TSHR: variants seen among roughly 807,000 people sequenced by gnomAD.
TSHR encodes thyrotropin receptor.
Under a neutral mutation model 64.1 loss-of-function variants are expected in TSHR, and 51 were observed. That is an observed-to-expected ratio of 0.80 (90% CI 0.64 to 1.01). The LOEUF (loss-of-function observed/expected upper bound fraction) is 1.01. TSHR is among the 50% of genes least tolerant of loss of function. The probability of loss-of-function intolerance (pLI) is 0.00; values close to 1 mark genes in which losing one functional copy is unlikely to be tolerated. For missense variants in TSHR, 877 were observed against 942.8 expected (o/e 0.93, Z 0.91); for synonymous variants, 361 against 361.9 (o/e 1.00, Z 0.03).
intron 8 of TSHR, among the ~76,000 whole-genome samples, chr14:81,112,821 G>T (rs1177564389): frequency 6.6e-6 from 1 of 152,190 alleles, no homozygotes; most frequent in East Asian, 1.9e-4. Context: ...CAAGTGCAAA[G>T]ACCCCCAGGT....
chr14:81,072,694 T>C lies in TSHR; in HGVS notation c.317+4366T>C, dbSNP rs138432286. 7.0e-3 allele frequency among the ~76,000 whole-genome samples: 1,061 copies of C among 152,204 alleles called. 17 individuals are homozygous for C. The highest frequency in any genetic ancestry group is 0.024 in the African/African-American group (1,003 of 41,516). On this transcript the variant is annotated intron_variant, in intron 3 of 9. Coordinates refer to ENST00000298171, the MANE Select transcript of TSHR (RefSeq NM_000369.5). ...TGATTGCTGAATTTTTAATACTCGC[T>C]GTATGCTGCTTACAAGAGACATTTT...
At chr14:81,071,504 T>C (rs895058036) in intron 3 of TSHR, among the ~76,000 whole-genome samples, 2 of 152,196 alleles carry the variant, frequency 1.3e-5, no homozygotes, top group Non-Finnish European at 2.9e-5. Flanking sequence ...GACATCTTCA[T>C]CCTTTGCATC....
Position 81,080,950 on chromosome 14 carries a change from G to A in TSHR, c.318-7004G>A, listed in dbSNP as rs76478572. 3.9e-3 allele frequency among the ~76,000 whole-genome samples: 587 copies of A among 152,180 alleles called. 5 individuals carry two copies. Among genetic ancestry groups the A allele is most frequent in the African/African-American group, 0.013 (559 of 41,528 alleles). On this transcript the variant is annotated intron_variant, in intron 3 of 9. Coordinates refer to ENST00000298171, the MANE Select transcript of TSHR (RefSeq NM_000369.5). ...GTTAATGTAAAAAGCCATTTGTTTC[G>A]GAGTTAATTATTTATATTAGAGAGA...
At chr14:81,065,016 A>AT (rs1240756883) in intron 2 of TSHR, among the ~76,000 whole-genome samples, 1 of 152,132 alleles carries the variant, frequency 6.6e-6, no homozygotes, top group Non-Finnish European at 1.5e-5. Context: ...ATGGCCATAA[A>AT]AGATTAGGCT....
At chr14:81,032,742 C>A in intron 1 of TSHR, 2 of 436,250 alleles carry the variant, frequency 4.6e-6, no homozygotes, top group Admixed American at 2.8e-5. Flanking sequence ...CATGGCAGAA[C>A]TTGCCACCAA....
chr14:81,078,509 T>C (rs1489124504), intron 3 of TSHR, among the ~76,000 whole-genome samples: 1 of 152,214 alleles, frequency 6.6e-6, no homozygotes. Context: ...TTATATTTAA[T>C]CTGCTTAAGG....
chr14:81,027,557 T>G (rs549304554), intron 1 of TSHR, among the ~76,000 whole-genome samples: 5 of 152,270 alleles, frequency 3.3e-5, no homozygotes, highest in Admixed American at 3.3e-4. Context: ...AATGAAATCA[T>G]CAAGTTCTCA....
intron 2 of TSHR, among the ~76,000 whole-genome samples, chr14:81,067,481 T>TC (rs1886704880): frequency 4.0e-5 from 1 of 24,918 alleles, no homozygotes; most frequent in Non-Finnish European, 6.6e-5. Context: ...GAGTTTATAG[T>TC]TTTATATATA....
intron 1 of TSHR, among the ~76,000 whole-genome samples, chr14:81,024,477 G>A (rs1883940543): frequency 6.6e-6 from 1 of 152,094 alleles, no homozygotes; most frequent in African/African-American, 2.4e-5. Context: ...TCGATCTCCT[G>A]ACCTCATGAT....
At chr14:81,005,686 C>T (rs72695026) in intron 1 of TSHR, among the ~76,000 whole-genome samples, 19,883 of 152,182 alleles carry the variant, frequency 0.13, 1,711 homozygotes, top group Admixed American at 0.23. Context: ...GGAAAGCAGA[C>T]TGCCACCACA....
chr14:81,024,900 G>GA (rs200490853), intron 1 of TSHR, among the ~76,000 whole-genome samples: 6,319 of 152,132 alleles, frequency 0.042, 425 homozygotes, highest in African/African-American at 0.14. Context: ...TAAATATAAT[G>GA]AAAAATATGT....
chr14:81,065,823 G>A (rs886891550), intron 2 of TSHR, among the ~76,000 whole-genome samples: 1 of 152,150 alleles, frequency 6.6e-6, no homozygotes, highest in Non-Finnish European at 1.5e-5. Flanking sequence ...ATATATCTTG[G>A]GGAGAAGAAA....
At chr14:81,029,578 GA>G (rs1341270972) in intron 1 of TSHR, among the ~76,000 whole-genome samples, 6 of 151,904 alleles carry the variant, frequency 3.9e-5, no homozygotes, top group Admixed American at 3.9e-4. Flanking sequence ...GTGTTAATGA[GA>G]AAAAAACCCA....
At chr14:81,008,625 A>T (rs1049689586) in intron 1 of TSHR, among the ~76,000 whole-genome samples, 1 of 152,234 alleles carries the variant, frequency 6.6e-6, no homozygotes, top group African/African-American at 2.4e-5. Context: ...AAATAAATGA[A>T]TTTCAAAAGG....
At chr14:80,997,463 G>T (rs1566754958) in intron 1 of TSHR, among the ~76,000 whole-genome samples, 1 of 152,136 alleles carries the variant, frequency 6.6e-6, no homozygotes, top group Non-Finnish European at 1.5e-5. Flanking sequence ...TCACATAGAT[G>T]AAAAATGGAT....
chr14:81,020,990 A>G (rs1883716056), intron 1 of TSHR, among the ~76,000 whole-genome samples: 1 of 151,740 alleles, frequency 6.6e-6, no homozygotes, highest in African/African-American at 2.4e-5. Context: ...ACTGTCTCCC[A>G]TCACCCACAG....
At chr14:81,061,246 A>G (rs1287284928) in intron 1 of TSHR, among the ~76,000 whole-genome samples, 1 of 152,166 alleles carries the variant, frequency 6.6e-6, no homozygotes, top group Non-Finnish European at 1.5e-5. Context: ...TACTTAATGT[A>G]TATTCTGATA....
intron 1 of TSHR, among the ~76,000 whole-genome samples, chr14:81,057,818 AAAG>A (rs1387882967): frequency 1.3e-5 from 2 of 152,236 alleles, no homozygotes; most frequent in East Asian, 1.9e-4. Flanking sequence ...CTGCCACGGC[AAAG>A]AAGATCAGCC....
At chr14:81,123,173 G>A (rs1890879090) in intron 8 of TSHR, among the ~76,000 whole-genome samples, 1 of 151,956 alleles carries the variant, frequency 6.6e-6, no homozygotes, top group Non-Finnish European at 1.5e-5. Flanking sequence ...AAGCCACAAA[G>A]CATAGGAAGA....
Sources: allele counts gnomAD v4.1 joint callset (sites outside exome capture counted in the v4.1 genomes callset), GRCh38; gene constraint gnomAD v4.1.1; transcripts MANE v1.5; gene names NCBI Gene and HGNC (gene_info 2026-07-23, HGNC 2026-07-21).